CANX: variants seen among roughly 807,000 people sequenced by gnomAD.
CANX encodes calnexin.
Under a neutral mutation model 75.7 loss-of-function variants are expected in CANX, and 14 were observed. The observed-to-expected ratio is 0.19, with a 90% CI of 0.12 to 0.29. The LOEUF (loss-of-function observed/expected upper bound fraction) is 0.29, where lower values mean the gene tolerates loss of function less well. Among genes scored for constraint, CANX ranks in the 10% least tolerant of loss-of-function variants. The pLI is 1.00. For missense variants in CANX, 567 were observed against 713.2 expected (o/e 0.79, Z 2.34); for synonymous variants, 227 against 236.9 (o/e 0.96, Z 0.38).
intron 1 of CANX, among the ~76,000 whole-genome samples, chr5:179,681,782 A>G (rs1402145137): frequency 2.0e-5 from 3 of 152,010 alleles, no homozygotes; most frequent in African/African-American, 7.2e-5. Context: ...GCAAGACCCC[A>G]TCTCTACAAA....
intron 13 of CANX, 54 bp from the exon 14 acceptor site, chr5:179,726,626 A>G: frequency 8.1e-7 from 1 of 1,241,480 alleles, no homozygotes; most frequent in Non-Finnish European, 1.2e-6. Flanking sequence ...TAATGCTAAT[A>G]TATAATCACC....
At chr5:179,680,170 G>T (rs1037071149) in intron 1 of CANX, among the ~76,000 whole-genome samples, 2 of 151,984 alleles carry the variant, frequency 1.3e-5, no homozygotes, top group Non-Finnish European at 2.9e-5. Flanking sequence ...GTGCTGGGAA[G>T]AGCAGAAGAG....
At position 179,719,799 on chromosome 5, in the gene CANX, CT is replaced by C; in HGVS notation, c.1025+25del. The C allele has an allele frequency of 7.5e-6, 10 of 1,335,474 alleles. No individual in the cohort carries two copies. Among genetic ancestry groups the C allele is most frequent in the Non-Finnish European group, 1.1e-5 (10 of 952,282 alleles). 82.7% of individuals were successfully genotyped at this position (1,335,474 alleles called of 1,614,324 possible). A position where few individuals can be genotyped will look rare whatever the true frequency, so the allele number is the denominator to read the frequency against. ...GAGGATTGGTAAGAACTTCAGTTAA[CT>C]TTTTTTAATTACCTGGTTTTTTTGT... On this transcript the variant is annotated intron_variant, in intron 9 of 14. Transcript: ENST00000247461.
chr5:179,706,984 T>C lies in CANX; in HGVS notation c.246-148T>C, dbSNP rs1777180475. ...GTGAGTTGAAGATAATGTATTATCATTAGTTGTGTGACAGATTTAAAGGTT... is the reference window on the plus strand; with the variant it reads ...GTGAGTTGAAGATAATGTATTATCACTAGTTGTGTGACAGATTTAAAGGTT... On this transcript the variant is annotated intron_variant, in intron 3 of 14. Coordinates refer to ENST00000247461, the MANE Select transcript of CANX (RefSeq NM_001746.4). 6.6e-6 allele frequency: 4 copies of C among 604,982 alleles called. No individual in the cohort carries two copies. The Admixed American group carries it at 1.1e-4, about 17-fold the overall frequency. 37.5% of individuals were successfully genotyped at this position (604,982 alleles called of 1,614,324 possible). A position where few individuals can be genotyped will look rare whatever the true frequency, so the allele number is the denominator to read the frequency against.
At chr5:179,722,763 T>C in intron 10 of CANX, 41 bp from the exon 11 acceptor site, 4 of 1,417,558 alleles carry the variant, frequency 2.8e-6, no homozygotes, top group Non-Finnish European at 4.0e-6. Context: ...CTTTTGTTGA[T>C]CATTATCTGA....
In CANX at chr5:179,726,858, T is replaced by C. The variant is rs529797980; in HGVS notation, c.1725+99T>C. On this transcript the variant is annotated intron_variant, in intron 14 of 14. Transcript: ENST00000247461. Reference sequence around the variant, plus strand: ...GGTAGTTTACAGTGGCTTATGGCAGTAAAAATTCTGTTAAAGCCAATTTTG... The same window carrying C: ...GGTAGTTTACAGTGGCTTATGGCAGCAAAAATTCTGTTAAAGCCAATTTTG... The C allele has an allele frequency of 7.0e-6, 6 of 859,328 alleles. No homozygotes were observed. The Admixed American group carries it at 1.4e-4, about 20-fold the overall frequency. 53.2% of individuals were successfully genotyped at this position (859,328 alleles called of 1,614,324 possible). A position where few individuals can be genotyped will look rare whatever the true frequency, so the allele number is the denominator to read the frequency against.
At chr5:179,720,268 A>T in intron 9 of CANX, 136 bp from the exon 10 acceptor site, 1 of 498,282 alleles carries the variant, frequency 2.0e-6, no homozygotes, top group Non-Finnish European at 3.6e-6. Flanking sequence ...AACTGTTATT[A>T]CTGGAAATAC....
At chr5:179,701,673 C>G (rs1202280582) in intron 1 of CANX, among the ~76,000 whole-genome samples, 1 of 145,016 alleles carries the variant, frequency 6.9e-6, no homozygotes, top group Non-Finnish European at 1.5e-5. Flanking sequence ...AAAACCTATA[C>G]AGCTTTTGGT....
chr5:179,704,007 G>C (rs1342344162), intron 1 of CANX: 5 of 152,140 alleles, frequency 3.3e-5, no homozygotes, highest in Admixed American at 1.3e-4. Flanking sequence ...TCTTGTGTGT[G>C]TGTGCGCACA....
intron 13 of CANX, among the ~76,000 whole-genome samples, chr5:179,726,266 G>A (rs1778661046): frequency 6.6e-6 from 1 of 151,336 alleles, no homozygotes; most frequent in Non-Finnish European, 1.5e-5. Context: ...CAACCTGGGT[G>A]ACAAGCAAAG....
rs1778894060 is a variant in CANX, at chr5:179,729,877, T to C, written c.*1233T>C. 1 of 152,668 alleles carries C rather than the reference T, an allele frequency of 6.6e-6. No homozygotes were observed. Among genetic ancestry groups the C allele is most frequent in the African/African-American group, 2.4e-5 (1 of 41,460 alleles). The allele number at this position is 152,668 out of a possible 1,614,324, so 9.5% of individuals were successfully genotyped here. On this transcript the variant is annotated 3_prime_UTR_variant, in exon 15 of 15. Coordinates refer to ENST00000247461, the MANE Select transcript of CANX (RefSeq NM_001746.4). ...GGAGTGACATGAAGCATGAGTTATC[T>C]GATTTTTTTTGTAGCTGCTATATAT... is the stretch of plus-strand genomic sequence containing the variant.
In CANX at chr5:179,707,426, T is replaced by C. The variant is rs898406045; in HGVS notation, c.304+236T>C. Among the ~76,000 whole-genome samples the C allele has an allele frequency of 6.7e-4, 101 of 151,650 alleles. 3 individuals are homozygous for C. The highest frequency in any genetic ancestry group is 1.8e-4 in the Non-Finnish European group (12 of 67,930). ...AGTGAAACCCCGTCTCTACTGAAAATACAAAAAATTAGCTGGGCGTGGCAG... is the reference window on the plus strand; with the variant it reads ...AGTGAAACCCCGTCTCTACTGAAAACACAAAAAATTAGCTGGGCGTGGCAG... On this transcript the variant is annotated intron_variant, in intron 4 of 14. Transcript: ENST00000247461.
At chr5:179,720,383 T>C in intron 9 of CANX, 21 bp from the exon 10 acceptor site, 2 of 1,609,858 alleles carry the variant, frequency 1.2e-6, no homozygotes, top group Non-Finnish European at 1.7e-6. Context: ...TGTTTATAAT[T>C]TGTTGTTTGT....
Position 179,728,641 on chromosome 5 carries a change from G to A in CANX, c.1776G>A (p.Glu592=), listed in dbSNP as rs1319244940. Residue 592 remains glutamate (E), a synonymous_variant, in exon 15 of 15, where the codon GAG becomes GAA. Coordinates refer to ENST00000247461, the MANE Select transcript of CANX (RefSeq NM_001746.4). The stretch of plus-strand genomic sequence containing the variant: ...CAAGAAACAGAAAGCCACGAAGAGA[G>A]TGAAACAATCTTAAGAGCTTGATCT... ...RSPRNRKPRR[E] 1.9e-6 allele frequency: 3 copies of A among 1,607,272 alleles called. No individual in the cohort carries two copies. The highest frequency in any genetic ancestry group is 2.6e-6 in the Non-Finnish European group (3 of 1,173,872).
chr5:179,721,894 A>G (rs902741362), intron 10 of CANX, among the ~76,000 whole-genome samples: 3 of 152,156 alleles, frequency 2.0e-5, no homozygotes, highest in Non-Finnish European at 4.4e-5. Flanking sequence ...ATCTTGGCAT[A>G]GTATATGTAT....
At chr5:179,698,960 G>C (rs1347757443), upstream of CANX, 1 of 1,119,510 alleles carries the variant, frequency 8.9e-7, no homozygotes, top group Non-Finnish European at 1.1e-6. Context: ...GGGCTCGCTC[G>C]CGCGGCAGCG....
At chr5:179,712,585 A>AT (rs755031455) in intron 7 of CANX, among the ~76,000 whole-genome samples, 1,662 of 133,310 alleles carry the variant, frequency 0.012, 12 homozygotes, top group Non-Finnish European at 0.016. Context: ...CGCCTGGCTA[A>AT]TTTTTTTTTT....
chr5:179,720,818 C>G (rs1308407015), intron 10 of CANX, among the ~76,000 whole-genome samples: 1 of 152,002 alleles, frequency 6.6e-6, no homozygotes, highest in Non-Finnish European at 1.5e-5. Context: ...GAGTTTCGCT[C>G]TTCTACCCAG....
Position 179,731,464 on chromosome 5 carries a change from T to C in CANX, c.*2820T>C, listed in dbSNP as rs777048039. Among the ~76,000 whole-genome samples the C allele has an allele frequency of 1.3e-5, 2 of 151,780 alleles. No individual in the cohort carries two copies. The highest frequency in any genetic ancestry group is 2.9e-5 in the Non-Finnish European group (2 of 67,968). ...AAATAGTTTAGTTCTGGTGTAAAAT[T>C]TGTTTGAATGCTAAAAAAAAAAAAG... On this transcript the variant is annotated 3_prime_UTR_variant, in exon 15 of 15. Transcript: ENST00000247461.
Sources: allele counts gnomAD v4.1 joint callset (sites outside exome capture counted in the v4.1 genomes callset), GRCh38; gene constraint gnomAD v4.1.1; transcripts MANE v1.5; gene names NCBI Gene and HGNC (gene_info 2026-07-23, HGNC 2026-07-21).